SMYD3: variants seen among roughly 807,000 people sequenced by gnomAD.
SMYD3 encodes the protein SET and MYND domain containing 3.
In SMYD3, 36 loss-of-function variants were observed where a neutral mutation model predicts 57.7. The observed-to-expected ratio is 0.62, with a 90% CI of 0.48 to 0.82. The LOEUF is 0.82. SMYD3 is among the 40% of genes least tolerant of loss of function. The pLI is 0.00. For missense variants in SMYD3, 515 were observed against 538.8 expected, an observed-to-expected ratio of 0.96 and a Z score of 0.44; for synonymous variants, 211 against 195.0, an observed-to-expected ratio of 1.08 and a Z score of -0.68.
chr1:246,054,179 C>T (rs1350598402), intron 5 of SMYD3, among the ~76,000 whole-genome samples: 2 of 152,006 alleles, frequency 1.3e-5, no homozygotes, highest in African/African-American at 4.8e-5. Flanking sequence ...TAAGCAGTAG[C>T]ATTAACTAAT....
intron 5 of SMYD3, among the ~76,000 whole-genome samples, chr1:246,136,658 T>C (rs1351054900): frequency 1.3e-5 from 2 of 152,064 alleles, no homozygotes; most frequent in Non-Finnish European, 2.9e-5. Flanking sequence ...GGAATACAGT[T>C]AAATGAATCA....
chr1:246,196,907 G>A (rs1167088753), intron 5 of SMYD3, among the ~76,000 whole-genome samples: 2 of 150,864 alleles, frequency 1.3e-5, no homozygotes, highest in Non-Finnish European at 3.0e-5. Context: ...GCACATTGAA[G>A]AAATGGCTGC....
intron 5 of SMYD3, among the ~76,000 whole-genome samples, chr1:246,157,757 C>G (rs954090370): frequency 6.6e-6 from 1 of 152,156 alleles, no homozygotes; most frequent in East Asian, 1.9e-4. Context: ...AGTGGAACTG[C>G]GTTGAGAATC....
intron 5 of SMYD3, among the ~76,000 whole-genome samples, chr1:246,263,287 TAACAGCATCTA>T (rs1438071695): frequency 1.3e-5 from 2 of 152,178 alleles, no homozygotes; most frequent in Admixed American, 1.3e-4. Flanking sequence ...CAGATAATTC[TAACAGCATCTA>T]CTGTGCACTC....
At chr1:246,114,135 G>A (rs1380750209) in intron 5 of SMYD3, among the ~76,000 whole-genome samples, 1 of 111,644 alleles carries the variant, frequency 9.0e-6, no homozygotes. Flanking sequence ...GCTCTGACAG[G>A]GGACAGTTTT....
intron 7 of SMYD3, among the ~76,000 whole-genome samples, chr1:245,926,716 T>A (rs1277944945): frequency 6.6e-6 from 1 of 152,250 alleles, no homozygotes; most frequent in Non-Finnish European, 1.5e-5. Flanking sequence ...ATTGCTTTTG[T>A]CAAGTTACTT....
intron 5 of SMYD3, among the ~76,000 whole-genome samples, chr1:246,072,341 C>CTTTCCACTGTGCTCACTGTCTT (rs2060471573): frequency 1.6e-5 from 1 of 61,162 alleles, no homozygotes; most frequent in African/African-American, 7.8e-5. Flanking sequence ...CTCACTGTCG[C>CTTTCCACTGTGCTCACTGTCTT]TGCATCGTGT....
At chr1:245,825,908 AC>A (rs2049456941) in intron 10 of SMYD3, among the ~76,000 whole-genome samples, 1 of 149,448 alleles carries the variant, frequency 6.7e-6, no homozygotes, top group Non-Finnish European at 1.5e-5. Flanking sequence ...AAGTCACTCT[AC>A]GAAAACTCCA....
chr1:245,805,313 G>C (rs1483145145), intron 10 of SMYD3, among the ~76,000 whole-genome samples: 1 of 152,256 alleles, frequency 6.6e-6, no homozygotes, highest in Non-Finnish European at 1.5e-5. Flanking sequence ...CTGGATGTCA[G>C]GTATACTGTG....
intron 10 of SMYD3, chr1:245,814,375 C>T (rs1012926017): frequency 1.0e-6 from 1 of 984,718 alleles, no homozygotes; most frequent in Non-Finnish European, 1.2e-6. Context: ...ACAGATAGAG[C>T]TCAGTTTTTT....
At chr1:246,068,580 G>A (rs1463178263) in intron 5 of SMYD3, among the ~76,000 whole-genome samples, 2 of 152,154 alleles carry the variant, frequency 1.3e-5, no homozygotes, top group Non-Finnish European at 2.9e-5. Context: ...GGAGCGCAGG[G>A]TGCCTGCAAC....
At chr1:246,068,285 C>CAA (rs71726233) in intron 5 of SMYD3, among the ~76,000 whole-genome samples, 13 of 114,590 alleles carry the variant, frequency 1.1e-4, no homozygotes, top group African/African-American at 2.0e-4. Context: ...TACAGGTCAG[C>CAA]AAAAAAAAAA....
chr1:246,434,525 C>G (rs374235252), intron 1 of SMYD3, among the ~76,000 whole-genome samples: 1 of 152,098 alleles, frequency 6.6e-6, no homozygotes, highest in Non-Finnish European at 1.5e-5. Context: ...GACACACAAG[C>G]GGCAGACAAA....
intron 5 of SMYD3, among the ~76,000 whole-genome samples, chr1:246,060,212 C>G (rs921840346): frequency 2.0e-5 from 3 of 151,906 alleles, no homozygotes; most frequent in South Asian, 2.1e-4. Context: ...GGCTTGAGCT[C>G]AAGAAGTTGA....
intron 5 of SMYD3, chr1:245,953,276 A>G (rs2057722428): frequency 2.0e-6 from 2 of 1,000,044 alleles, no homozygotes; most frequent in Non-Finnish European, 1.2e-6. Context: ...ACATTGGGAA[A>G]CTTCACTGCA....
At chr1:245,833,035 T>A (rs1202017872) in intron 10 of SMYD3, among the ~76,000 whole-genome samples, 1 of 129,020 alleles carries the variant, frequency 7.8e-6, no homozygotes, top group East Asian at 3.1e-4. Context: ...TCTGTTGCCT[T>A]TAATTACTGC....
At chr1:246,315,077 C>A (rs1165299124) in intron 5 of SMYD3, among the ~76,000 whole-genome samples, 2 of 152,136 alleles carry the variant, frequency 1.3e-5, no homozygotes, top group Non-Finnish European at 2.9e-5. Flanking sequence ...ACTTCCCCCT[C>A]TCTAAGCCAC....
intron 10 of SMYD3, among the ~76,000 whole-genome samples, chr1:245,819,742 T>A (rs2049050521): frequency 1.9e-4 from 1 of 5,220 alleles, no homozygotes; most frequent in Non-Finnish European, 7.8e-4. Flanking sequence ...AAATACAAAC[T>A]ACCATCAGAG....
chr1:246,454,047 C>A (rs560516204), intron 1 of SMYD3, among the ~76,000 whole-genome samples: 8 of 151,984 alleles, frequency 5.3e-5, no homozygotes, highest in Non-Finnish European at 1.0e-4. Flanking sequence ...AAATTGTTCA[C>A]AATGCAAAAA....
Sources: gnomAD v4.1 joint callset for allele counts (sites outside exome capture counted in the v4.1 genomes callset) on GRCh38, gnomAD v4.1.1 for gene constraint, MANE v1.5 for transcripts, NCBI Gene and HGNC (gene_info 2026-07-23, HGNC 2026-07-21) for gene names.